Variants in ZFP42 observed in about 807,000 individuals in gnomAD.
ZFP42 encodes zinc finger protein 42 homolog.
For missense variants in ZFP42, 438 were observed against 377.1 expected (o/e 1.16, Z -1.34); for synonymous variants, 175 against 144.6 (o/e 1.21, Z -1.51).
chr4:187,998,891 A>T (rs2111177403), intron 1 of ZFP42, among the ~76,000 whole-genome samples: 1 of 152,184 alleles, frequency 6.6e-6, no homozygotes, highest in East Asian at 1.9e-4. Context: ...GGCTTGCCAT[A>T]TAAATAGTTT....
intron 1 of ZFP42, among the ~76,000 whole-genome samples, chr4:187,998,465 T>C (rs764838535): frequency 6.6e-5 from 10 of 152,232 alleles, no homozygotes; most frequent in Non-Finnish European, 1.3e-4. Context: ...TTATAAAGCC[T>C]ACAGTTGTGT....
At chr4:187,996,826 G>A (rs1733591098) in intron 1 of ZFP42, among the ~76,000 whole-genome samples, 1 of 152,042 alleles carries the variant, frequency 6.6e-6, no homozygotes. Flanking sequence ...GCAGCTGTCC[G>A]GCCCATCTTC....
In ZFP42 at chr4:188,003,629, TTTCGTGTGTCCC is replaced by T. The variant is rs1354101571; in HGVS notation, c.825_836del (p.Val276_Phe279del). The T allele has an allele frequency of 1.6e-5, 26 of 1,613,436 alleles. No individual in the cohort carries two copies. The highest frequency in any genetic ancestry group is 2.1e-5 in the Non-Finnish European group (25 of 1,180,044). On this transcript the variant is annotated inframe_deletion, in exon 4 of 4. Coordinates refer to ENST00000326866, the MANE Select transcript of ZFP42 (RefSeq NM_174900.5). ...TGCGCATCCACACGGGGGAGAAACG[TTTCGTGTGTCCC>T]TTTCAAGGCTGCAACAGGAGGTTTA...
rs553649171 is a variant in ZFP42 at position 188,002,217 on chromosome 4, C to T, written c.-95-496C>T. 3.9e-4 allele frequency among the ~76,000 whole-genome samples: 59 copies of T among 152,278 alleles called. No homozygotes were observed. The East Asian group carries it at 4.0e-3, about 10-fold the overall frequency. ...AAAAGAAAAGACAGTATTTTGCTCC[C>T]TCACCGCCTTCAGGCTTTTAACCAA... On this transcript the variant is annotated intron_variant, in intron 3 of 3. Transcript: ENST00000326866.
rs190437497 is a variant in ZFP42, at chr4:187,999,424, G to A, written c.-173+151G>A. On this transcript the variant is annotated intron_variant, in intron 2 of 3. Transcript: ENST00000326866. ...TGGGATTGCAGGCATGAGCCACCAT[G>A]CCTGGCCTTAGGAAATTCCTTTCTA... 3.7e-3 allele frequency among the ~76,000 whole-genome samples: 556 copies of A among 152,244 alleles called. 5 individuals are homozygous for A. Among genetic ancestry groups the A allele is most frequent in the African/African-American group, 0.013 (531 of 41,554 alleles).
At position 188,002,932 on chromosome 4, in the gene ZFP42, C is replaced by A; in HGVS notation, c.125C>A (p.Pro42His). The stretch of plus-strand genomic sequence containing the variant: ...CAAGACCTGCAGGCGGAAATAGAAC[C>A]TGTCAGCGCGGTGTGGGCCTTATGT... Reference protein sequence around the residue: ...SSQDLQAEIEPVSAVWALCDG... With the variant: ...SSQDLQAEIEHVSAVWALCDG... Residue 42 changes from proline to histidine, a missense_variant, in exon 4 of 4, where the codon CCT becomes CAT. Transcript: ENST00000326866. The A allele has an allele frequency of 6.2e-7, 1 of 1,614,164 alleles. No individual in the cohort carries two copies. The highest frequency in any genetic ancestry group is 8.5e-7 in the Non-Finnish European group (1 of 1,180,042).
intron 1 of ZFP42, among the ~76,000 whole-genome samples, chr4:187,997,218 C>G (rs947552550): frequency 3.2e-5 from 3 of 94,214 alleles, no homozygotes; most frequent in African/African-American, 1.4e-4. Context: ...GTTACTTCCC[C>G]TCTCATATTC....
At position 188,003,444 on chromosome 4, in the gene ZFP42, G is replaced by T; in HGVS notation, c.637G>T (p.Gly213Cys). Residue 213 changes from glycine to cysteine, a missense_variant, in exon 4 of 4, where the codon GGT becomes TGT. Gly to Cys is a radical substitution (Grantham distance 159). Transcript: ENST00000326866. ...AALRKHLLIH[G>C]PRDHVCAECG... ...CCTGAGAAAGCATCTCCTCATTCATGGTCCCCGAGACCACGTCTGTGCGGA... is the reference window on the plus strand; with the variant it reads ...CCTGAGAAAGCATCTCCTCATTCATTGTCCCCGAGACCACGTCTGTGCGGA... The T allele has an allele frequency of 6.2e-7, 1 of 1,614,078 alleles. No homozygotes were observed. The highest frequency in any genetic ancestry group is 8.5e-7 in the Non-Finnish European group (1 of 1,180,032).
chr4:187,998,063 G>A (rs1163868840), intron 1 of ZFP42, among the ~76,000 whole-genome samples: 1 of 152,210 alleles, frequency 6.6e-6, no homozygotes, highest in African/African-American at 2.4e-5. Context: ...GAGTCTGGGC[G>A]CGGTGGCTCA....
intron 3 of ZFP42, among the ~76,000 whole-genome samples, chr4:188,001,767 TA>T (rs1273513387): frequency 6.6e-6 from 1 of 152,194 alleles, no homozygotes; most frequent in African/African-American, 2.4e-5. Flanking sequence ...GTAGAATGAA[TA>T]AAAAGGTAAT....
chr4:188,002,959 A>G lies in ZFP42; in HGVS notation c.152A>G (p.Asp51Gly). The G allele has an allele frequency of 6.2e-7, 1 of 1,614,052 alleles. No individual in the cohort carries two copies. Residue 51 changes from aspartate (D) to glycine (G), a missense_variant, in exon 4 of 4, where the codon GAT (aspartate) becomes GGT (glycine). Transcript: ENST00000326866. The stretch of plus-strand genomic sequence containing the variant: ...GTCAGCGCGGTGTGGGCCTTATGTG[A>G]TGGCTATGTGTGCTATGAGCCTGGC... ...EPVSAVWALC[D>G]GYVCYEPGPQ...
chr4:187,996,925 C>T (rs1265932012), intron 1 of ZFP42, among the ~76,000 whole-genome samples: 3 of 151,918 alleles, frequency 2.0e-5, no homozygotes. Context: ...TCCCGGGGCT[C>T]ACCGTCAGCC....
chr4:188,003,682 T>C lies in ZFP42; in HGVS notation c.875T>C (p.Leu292Pro). 2.5e-6 allele frequency: 4 copies of C among 1,613,936 alleles called. No homozygotes were observed. Among genetic ancestry groups the C allele is most frequent in the Non-Finnish European group, 3.4e-6 (4 of 1,180,018 alleles). The change falls in exon 4 of 4, where the codon CTG (leucine) becomes CCG (proline). Residue 292 changes from leucine to proline, a missense_variant. Leu to Pro is a moderately conservative substitution (Grantham distance 98). Coordinates refer to ENST00000326866, the MANE Select transcript of ZFP42 (RefSeq NM_174900.5). ...CNRRFIQSNN[L>P]KAHILTHANT... is the part of the protein sequence containing the mutation. ...AGGAGGTTTATTCAGTCAAATAACC[T>C]GAAAGCCCACATCCTAACGCATGCA...
chr4:187,998,923 T>G (rs569421252), intron 1 of ZFP42, among the ~76,000 whole-genome samples, 185 bp from the exon 2 acceptor site: 1 of 152,218 alleles, frequency 6.6e-6, no homozygotes, highest in Non-Finnish European at 1.5e-5. Flanking sequence ...ATTAATAAAT[T>G]ACCATTTCAA....
Position 188,003,538 on chromosome 4 carries a change from C to T in ZFP42, c.731C>T (p.Pro244Leu). 2 of 1,613,690 alleles carry T rather than the reference C, an allele frequency of 1.2e-6. No homozygotes were observed. The highest frequency in any genetic ancestry group is 1.1e-5 in the South Asian group (1 of 91,070). Residue 244 changes from proline to leucine, a missense_variant, in exon 4 of 4, where the codon CCG becomes CTG. By Grantham distance (98) the Pro-to-Leu change is moderately conservative. Transcript: ENST00000326866. ...RHFLVHTGEK[P>L]FRCTFEGCGK... ...TTCCTGGTTCATACTGGAGAGAAGC[C>T]GTTTCGGTGCACTTTTGAAGGGTGC...
In ZFP42 at chr4:188,003,084, G is replaced by A; in HGVS notation, c.277G>A (p.Glu93Lys). The change falls in exon 4 of 4, where the codon GAG becomes AAG. Residue 93 changes from glutamate (E) to lysine (K), a missense_variant. Coordinates refer to ENST00000326866, the MANE Select transcript of ZFP42 (RefSeq NM_174900.5). The part of the protein sequence containing the change: ...QPILEEDSLF[E>K]SLEYLKKGSE... ...CATCCTGGAAGAGGACTCACTTTTT[G>A]AGTCCTTGGAATACCTAAAGAAAGG... 6.2e-7 allele frequency: 1 copy of A among 1,614,120 alleles called. No individual in the cohort carries two copies. Among genetic ancestry groups the A allele is most frequent in the South Asian group, 1.1e-5 (1 of 91,072 alleles).
In ZFP42 at chr4:188,003,006, G is replaced by C. The variant is rs750793737; in HGVS notation, c.199G>C (p.Asp67His). 2.5e-6 allele frequency: 4 copies of C among 1,614,158 alleles called. No individual in the cohort carries two copies. In the East Asian group the frequency reaches 8.9e-5, roughly 36 times the overall value. ...EPGPQALGGD[D>H]FSDCYIECVI... ...TGGCCCTCAGGCTCTCGGAGGGGAT[G>C]ATTTCTCAGACTGTTACATAGAATG... is the stretch of plus-strand genomic sequence containing the variant. The change falls in exon 4 of 4, where the codon GAT becomes CAT. Residue 67 changes from aspartate to histidine, a missense_variant. By Grantham distance (81) the Asp-to-His change is moderately conservative. Transcript: ENST00000326866.
In ZFP42 at chr4:188,002,911, AC is replaced by A. The variant is rs1167821370; in HGVS notation, c.106del (p.Leu36CysfsTer5). 2.5e-6 allele frequency: 4 copies of A among 1,614,180 alleles called. No homozygotes were observed. Among genetic ancestry groups the A allele is most frequent in the Non-Finnish European group, 3.4e-6 (4 of 1,180,034 alleles). On this transcript the variant is annotated frameshift_variant, in exon 4 of 4. Coordinates refer to ENST00000326866, the MANE Select transcript of ZFP42 (RefSeq NM_174900.5). LOFTEE classifies it low-confidence loss of function (END_TRUNC). ...AKPRQGKSSQ[D>X]LQAEIEPVSA... ...CCCAGGCAAGGCAAGTCAAGCCAAG[AC>A]CTGCAGGCGGAAATAGAACCTGTCA... is the stretch of plus-strand genomic sequence containing the variant.
chr4:187,998,883 C>G (rs995249231), intron 1 of ZFP42, among the ~76,000 whole-genome samples: 21 of 152,210 alleles, frequency 1.4e-4, no homozygotes, highest in African/African-American at 4.8e-4. Flanking sequence ...CAGAAATTGG[C>G]TTGCCATATA....
Sources: gnomAD v4.1 joint callset for allele counts (sites outside exome capture counted in the v4.1 genomes callset) on GRCh38, gnomAD v4.1.1 for gene constraint, MANE v1.5 for transcripts, NCBI Gene and HGNC (gene_info 2026-07-23, HGNC 2026-07-21) for gene names.